PTPRD: variants seen among roughly 807,000 people sequenced by gnomAD.
PTPRD encodes the protein protein tyrosine phosphatase receptor type D.
In PTPRD, 34 loss-of-function variants were observed where a neutral mutation model predicts 214.5. The observed-to-expected ratio is 0.16, with a 90% CI of 0.12 to 0.21. The LOEUF (loss-of-function observed/expected upper bound fraction) is 0.21, where lower values mean the gene tolerates loss of function less well. Among genes scored for constraint, PTPRD ranks in the 10% least tolerant of loss-of-function variants. The pLI is 1.00. For synonymous variants in PTPRD, 1,128 were observed against 845.7 expected (o/e 1.33, Z -5.79); for missense variants, 2,545 against 2,398.7 (o/e 1.06, Z -1.27).
chr9:9,648,420 G>C (rs980868217), intron 7 of PTPRD, among the ~76,000 whole-genome samples: 3 of 152,120 alleles, frequency 2.0e-5, no homozygotes, highest in Non-Finnish European at 2.9e-5. Flanking sequence ...ATAACGTTCT[G>C]TCTTCTAAAC....
chr9:9,840,298 C>G (rs1447563801), intron 5 of PTPRD, among the ~76,000 whole-genome samples: 1 of 152,028 alleles, frequency 6.6e-6, no homozygotes, highest in Non-Finnish European at 1.5e-5. Flanking sequence ...TATGGCTGGC[C>G]TGTATTTTCT....
chr9:10,262,067 AC>A (rs572032527), intron 3 of PTPRD, among the ~76,000 whole-genome samples: 21 of 152,164 alleles, frequency 1.4e-4, no homozygotes, highest in Non-Finnish European at 2.6e-4. Flanking sequence ...ACTTAATATG[AC>A]CAGGTCACCT....
intron 8 of PTPRD, among the ~76,000 whole-genome samples, chr9:9,424,052 T>C (rs138566636): frequency 1.8e-4 from 27 of 152,258 alleles, no homozygotes; most frequent in African/African-American, 4.6e-4. Context: ...GCCAAAGATA[T>C]ATATTTTGCT....
At chr9:9,985,568 A>G (rs1353565856) in intron 4 of PTPRD, among the ~76,000 whole-genome samples, 1 of 152,214 alleles carries the variant, frequency 6.6e-6, no homozygotes, top group African/African-American at 2.4e-5. Flanking sequence ...CTACATTTAA[A>G]GACTTATTCA....
intron 8 of PTPRD, among the ~76,000 whole-genome samples, chr9:9,561,330 C>A (rs2082886470): frequency 6.6e-6 from 1 of 152,076 alleles, no homozygotes; most frequent in Non-Finnish European, 1.5e-5. Flanking sequence ...GACTTCTGTC[C>A]CCCTAAAATG....
intron 3 of PTPRD, among the ~76,000 whole-genome samples, chr9:10,191,692 C>T (rs1264707192): frequency 6.6e-6 from 1 of 152,134 alleles, no homozygotes; most frequent in Non-Finnish European, 1.5e-5. Flanking sequence ...CCCTCTCGTT[C>T]CACTTCCTCT....
intron 39 of PTPRD, among the ~76,000 whole-genome samples, chr9:8,353,425 TATGAATGA>T (rs71317360): frequency 0.48 from 72,417 of 151,082 alleles, 20,143 homozygotes; most frequent in Non-Finnish European, 0.64. Flanking sequence ...TTTATGAATG[TATGAATGA>T]ATGAATGAAT....
intron 7 of PTPRD, among the ~76,000 whole-genome samples, chr9:9,718,058 T>C (rs188502640): frequency 6.6e-6 from 1 of 152,340 alleles, no homozygotes; most frequent in East Asian, 1.9e-4. Flanking sequence ...TAAACGATGC[T>C]AACTAAACGA....
At chr9:9,072,291 A>ACG (rs1316158025) in intron 10 of PTPRD, among the ~76,000 whole-genome samples, 3 of 150,586 alleles carry the variant, frequency 2.0e-5, no homozygotes, top group Non-Finnish European at 4.4e-5. Flanking sequence ...ACACACACAC[A>ACG]CACACACACA....
chr9:10,006,844 T>TA (rs2096487866), intron 4 of PTPRD, among the ~76,000 whole-genome samples: 2 of 152,092 alleles, frequency 1.3e-5, no homozygotes, highest in East Asian at 3.9e-4. Context: ...TCTACTGGTG[T>TA]AATAACCTTA....
intron 7 of PTPRD, among the ~76,000 whole-genome samples, chr9:9,630,165 T>C (rs1470440488): frequency 1.3e-5 from 2 of 152,188 alleles, no homozygotes; most frequent in African/African-American, 4.8e-5. Context: ...GCCAGGTCTT[T>C]TACAGGACTT....
At chr9:9,375,761 A>G (rs1287886045) in intron 9 of PTPRD, among the ~76,000 whole-genome samples, 4 of 152,162 alleles carry the variant, frequency 2.6e-5, no homozygotes, top group Non-Finnish European at 4.4e-5. Context: ...ATTCATAGAG[A>G]CATAAAGTAG....
At position 8,449,961 on chromosome 9, in the gene PTPRD, A is replaced by T. The variant is rs116977814; in HGVS notation, c.3876-124T>A. On this transcript the variant is annotated intron_variant, in intron 33 of 45. Transcript: ENST00000381196. ...TTTCAGTTTTACAACTTTTCAACCC[A>T]GCTGACTTGTGACCCAGTTCGGGTT... 1.5e-3 allele frequency: 1,329 copies of T among 907,924 alleles called. 4 individuals are homozygous for T. Among genetic ancestry groups the T allele is most frequent in the Non-Finnish European group, 1.9e-3 (1,179 of 605,576 alleles). 56.2% of individuals were successfully genotyped at this position (907,924 alleles called of 1,614,324 possible).
At chr9:9,489,940 C>T (rs930039601) in intron 8 of PTPRD, among the ~76,000 whole-genome samples, 5 of 151,884 alleles carry the variant, frequency 3.3e-5, no homozygotes, top group South Asian at 4.1e-4. Context: ...CAAAGAAACT[C>T]GCATCAAGAC....
chr9:8,460,655 C>T (rs2134170868), intron 32 of PTPRD, 84 bp from the exon 33 acceptor site: 6 of 1,365,942 alleles, frequency 4.4e-6, no homozygotes, highest in Non-Finnish European at 6.0e-6. Flanking sequence ...GCAAAAAATC[C>T]AGGAAATAGT....
intron 4 of PTPRD, among the ~76,000 whole-genome samples, chr9:10,014,829 C>G (rs2096669577): frequency 6.6e-6 from 1 of 152,108 alleles, no homozygotes; most frequent in Admixed American, 6.5e-5. Flanking sequence ...GTGGTTATTT[C>G]TATATTTAAT....
chr9:9,838,193 A>C (rs1330598153), intron 5 of PTPRD, among the ~76,000 whole-genome samples: 1 of 149,572 alleles, frequency 6.7e-6, no homozygotes, highest in Non-Finnish European at 1.5e-5. Flanking sequence ...GTTGGTTCCA[A>C]GTCTTTGCTA....
At chr9:8,681,906 T>C (rs1245261866) in intron 12 of PTPRD, among the ~76,000 whole-genome samples, 2 of 152,204 alleles carry the variant, frequency 1.3e-5, no homozygotes, top group Non-Finnish European at 2.9e-5. Context: ...AACCAGTACA[T>C]TACTTCAGCT....
chr9:8,985,526 C>G (rs1290840519), intron 11 of PTPRD, among the ~76,000 whole-genome samples: 2 of 151,874 alleles, frequency 1.3e-5, no homozygotes, highest in Non-Finnish European at 2.9e-5. Context: ...AGAGTTTAAT[C>G]TTCCAACAAT....
Sources: gnomAD v4.1 joint callset for allele counts (sites outside exome capture counted in the v4.1 genomes callset) on GRCh38, gnomAD v4.1.1 for gene constraint, MANE v1.5 for transcripts, NCBI Gene and HGNC (gene_info 2026-07-23, HGNC 2026-07-21) for gene names.